The following ADAMTS18 variants were observed in gnomAD, a reference collection of about 807,000 sequenced individuals.
ADAMTS18 encodes the protein A disintegrin and metalloproteinase with thrombospondin motifs 18.
A neutral mutation model predicts 165.9 loss-of-function variants in ADAMTS18; 157 were observed. That is an observed-to-expected ratio of 0.95 (90% CI 0.83 to 1.08). ADAMTS18 has a LOEUF of 1.08. Among genes scored for constraint, ADAMTS18 ranks in the 50% least tolerant of loss-of-function variants. ADAMTS18 has a pLI of 0.00. For missense variants in ADAMTS18, 2,040 were observed against 1,534.0 expected (o/e 1.33, Z -5.51); for synonymous variants, 782 against 578.2 (o/e 1.35, Z -5.06).
At chr16:77,359,588 T>G (rs1255565037) in intron 7 of ADAMTS18, among the ~76,000 whole-genome samples, 165 bp from the exon 8 acceptor site, 6 of 151,934 alleles carry the variant, frequency 3.9e-5, no homozygotes, top group Admixed American at 3.9e-4. Flanking sequence ...CTTTGTCCTG[T>G]GTAATGATAA....
intron 4 of ADAMTS18, among the ~76,000 whole-genome samples, chr16:77,365,398 G>A (rs952715502): frequency 1.3e-5 from 2 of 152,056 alleles, no homozygotes; most frequent in Non-Finnish European, 2.9e-5. Flanking sequence ...CTAAAATAGT[G>A]GGCATGTCTT....
At position 77,356,013 on chromosome 16, in the gene ADAMTS18, G is replaced by T; in HGVS notation, c.1387C>A (p.Pro463Thr). The T allele has an allele frequency of 6.2e-7, 1 of 1,614,082 alleles. No individual in the cohort carries two copies. The highest frequency in any genetic ancestry group is 8.5e-7 in the Non-Finnish European group (1 of 1,179,982). The change falls in exon 9 of 23, where the codon CCC becomes ACC. Residue 463 changes from proline to threonine, a missense_variant. Physicochemically the swap from Pro to Thr is conservative, Grantham distance 38 (BLOSUM62 -1). Coordinates refer to ENST00000282849, the MANE Select transcript of ADAMTS18 (RefSeq NM_199355.4). The stretch of plus-strand genomic sequence containing the variant: ...ACTCCATTGTTTCCGGTCAGTGTGG[G>T]AGACATGATATTGCCTTCAGCCTTT... Reference protein sequence around the residue: ...CRKAEGNIMSPTLTGNNGVFS... With the variant: ...CRKAEGNIMSTTLTGNNGVFS...
At chr16:77,425,455 A>G (rs1210696000) in intron 3 of ADAMTS18, among the ~76,000 whole-genome samples, 1 of 152,028 alleles carries the variant, frequency 6.6e-6, no homozygotes, top group East Asian at 1.9e-4. Flanking sequence ...GCAGTCCACT[A>G]CTCTTGCCAG....
chr16:77,299,068 A>G (rs2055530337), intron 17 of ADAMTS18, among the ~76,000 whole-genome samples: 2 of 152,200 alleles, frequency 1.3e-5, no homozygotes, highest in South Asian at 2.1e-4. Context: ...CCAGAAAGCT[A>G]TTGGAAATGT....
intron 3 of ADAMTS18, among the ~76,000 whole-genome samples, chr16:77,399,649 T>C (rs1325563265): frequency 2.6e-5 from 4 of 152,292 alleles, no homozygotes; most frequent in Admixed American, 2.6e-4. Context: ...ATACACTTCA[T>C]AGAGTTGTCT....
chr16:77,321,041 G>GT, intron 15 of ADAMTS18, 38 bp downstream of exon 15: 1 of 1,613,766 alleles, frequency 6.2e-7, no homozygotes, highest in Non-Finnish European at 8.5e-7. Flanking sequence ...AGCAAAAGTT[G>GT]TATCTCATTA....
At chr16:77,301,681 A>C (rs987659071) in intron 16 of ADAMTS18, among the ~76,000 whole-genome samples, 3 of 152,178 alleles carry the variant, frequency 2.0e-5, no homozygotes, top group African/African-American at 7.2e-5. Context: ...CCTTCATTTC[A>C]CCAGATCACT....
At position 77,359,313 on chromosome 16, in the gene ADAMTS18, C is replaced by G; in HGVS notation, c.1322+5G>C. Reference sequence around the variant, plus strand: ...CATAAAGTAGTGGTTCAAAGAGGCACTTACTTGTGCCCTGACTCATGAGCG... The same window carrying G: ...CATAAAGTAGTGGTTCAAAGAGGCAGTTACTTGTGCCCTGACTCATGAGCG... On this transcript the variant is annotated splice_donor_5th_base_variant and intron_variant, in intron 8 of 22. Coordinates refer to ENST00000282849, the MANE Select transcript of ADAMTS18 (RefSeq NM_199355.4). 1.2e-6 allele frequency: 2 copies of G among 1,613,154 alleles called. No homozygotes were observed. Among genetic ancestry groups the G allele is most frequent in the Non-Finnish European group, 1.7e-6 (2 of 1,179,526 alleles).
chr16:77,358,837 G>A (rs969092640), intron 8 of ADAMTS18, among the ~76,000 whole-genome samples: 3 of 152,108 alleles, frequency 2.0e-5, no homozygotes, highest in African/African-American at 2.4e-5. Context: ...TCTCTATAGC[G>A]TTGTCTCCAT....
intron 3 of ADAMTS18, among the ~76,000 whole-genome samples, chr16:77,399,970 C>T (rs917101885): frequency 2.6e-5 from 4 of 152,112 alleles, no homozygotes; most frequent in African/African-American, 9.7e-5. Context: ...GAACATCTTG[C>T]CAGGTATGGG....
intron 4 of ADAMTS18, among the ~76,000 whole-genome samples, chr16:77,365,060 C>T (rs6564435): frequency 0.11 from 16,105 of 152,114 alleles, 2,251 homozygotes; most frequent in African/African-American, 0.32. Context: ...GAGCCAAGAT[C>T]ACCCCACTGC....
At position 77,367,652 on chromosome 16, in the gene ADAMTS18, G is replaced by A. The variant is rs759363189; in HGVS notation, c.567C>T (p.His189=). The change falls in exon 4 of 23, where the codon CAC becomes CAT. Residue 189 remains histidine, a synonymous_variant. Transcript: ENST00000282849. ...SPLPQLLAQE[H]NYSSPAGHHP... is the part of the protein sequence containing the mutation. ...GGTGACCCGCAGGGGAGCTGTAGTTGTGTTCCTGGGCCAGAAGCTGAGGTA... is the reference window on the plus strand; with the variant it reads ...GGTGACCCGCAGGGGAGCTGTAGTTATGTTCCTGGGCCAGAAGCTGAGGTA... 1 of 1,614,156 alleles carries A rather than the reference G, an allele frequency of 6.2e-7. No homozygotes were observed. The highest frequency in any genetic ancestry group is 1.1e-5 in the South Asian group (1 of 91,090).
rs781752456 is a variant in ADAMTS18, at chr16:77,434,487, G to A, written c.109C>T (p.Leu37Phe). ...GCCGCGGCGACCGACGCACAGCAGA[G>A]GCAGCACAGCTGGAGCGCCTGCAAG... ...RVAKALQLCC[L>F]CCASVAAALA... The change falls in exon 2 of 23, where the codon CTC (leucine) becomes TTC (phenylalanine). Residue 37 changes from leucine (L) to phenylalanine (F), a missense_variant. Physicochemically the swap from Leu to Phe is conservative, Grantham distance 22. Coordinates refer to ENST00000282849, the MANE Select transcript of ADAMTS18 (RefSeq NM_199355.4). The A allele has an allele frequency of 6.4e-6, 10 of 1,567,240 alleles. No homozygotes were observed. The South Asian group carries it at 8.1e-5, about 13-fold the overall frequency.
chr16:77,369,948 A>G (rs1012636661), intron 3 of ADAMTS18, among the ~76,000 whole-genome samples: 1 of 152,212 alleles, frequency 6.6e-6, no homozygotes, highest in African/African-American at 2.4e-5. Flanking sequence ...ATCAACAAAC[A>G]TGATATATCA....
chr16:77,333,099 A>G (rs934429936), intron 12 of ADAMTS18, among the ~76,000 whole-genome samples: 1 of 152,208 alleles, frequency 6.6e-6, no homozygotes, highest in Non-Finnish European at 1.5e-5. Context: ...CCTAGTTTAG[A>G]TGAACAGAGT....
Position 77,371,080 on chromosome 16 carries a change from T to C in ADAMTS18, c.496-3357A>G, listed in dbSNP as rs114667299. 5.2e-3 allele frequency among the ~76,000 whole-genome samples: 798 copies of C among 152,184 alleles called. 11 individuals carry two copies. The highest frequency in any genetic ancestry group is 0.018 in the African/African-American group (766 of 41,512). On this transcript the variant is annotated intron_variant, in intron 3 of 22. Coordinates refer to ENST00000282849, the MANE Select transcript of ADAMTS18 (RefSeq NM_199355.4). ...AACTACAAATATTAGCCAGGTGTGG[T>C]GGTGCATGCCTGTGGTACCAGCTTC...
At chr16:77,406,349 G>T (rs1015369189) in intron 3 of ADAMTS18, among the ~76,000 whole-genome samples, 1 of 152,010 alleles carries the variant, frequency 6.6e-6, no homozygotes, top group African/African-American at 2.4e-5. Flanking sequence ...CTGATAGAGG[G>T]TATCTCAAAA....
Position 77,431,319 on chromosome 16 carries a change from G to A in ADAMTS18, c.471C>T (p.Val157=), listed in dbSNP as rs140980210. The A allele has an allele frequency of 6.3e-5, 102 of 1,614,092 alleles. 2 individuals carry two copies. The Middle Eastern group carries it at 1.2e-3, about 18-fold the overall frequency. The change falls in exon 3 of 23, where the codon GTC becomes GTT. Residue 157 remains valine, a synonymous_variant. Coordinates refer to ENST00000282849, the MANE Select transcript of ADAMTS18 (RefSeq NM_199355.4). ...GFIRNDSSSS[V]AVSTCAGLSG... ...CCAAGCCAGCACACGTAGACACAGC[G>A]ACAGAGGAGGAGCTGTCATTTCTGA...
intron 12 of ADAMTS18, among the ~76,000 whole-genome samples, chr16:77,329,136 T>C (rs1482849463): frequency 1.3e-5 from 2 of 152,000 alleles, no homozygotes; most frequent in Non-Finnish European, 2.9e-5. Context: ...GACAGAGTCT[T>C]GCTCTATCAC....
Sources: gnomAD v4.1 joint callset for allele counts (sites outside exome capture counted in the v4.1 genomes callset) on GRCh38, gnomAD v4.1.1 for gene constraint, MANE v1.5 for transcripts, NCBI Gene and HGNC (gene_info 2026-07-23, HGNC 2026-07-21) for gene names.